Variants in IFT140 observed in about 807,000 individuals in gnomAD.
The protein encoded by IFT140 is intraflagellar transport 140, also known as intraflagellar transport protein 140 homolog.
IFT140 carries 133 observed loss-of-function variants against 164.6 expected under a neutral mutation model. That is an observed-to-expected ratio of 0.81 (90% confidence interval 0.70 to 0.93). The LOEUF (loss-of-function observed/expected upper bound fraction) is 0.93, where lower values mean the gene tolerates loss of function less well. Ranked by LOEUF, IFT140 falls within the 40% of genes least tolerant of loss-of-function variation. The pLI is 0.00. For missense variants in IFT140, 2,045 were observed against 1,972.3 expected, an observed-to-expected ratio of 1.04 and a Z score of -0.70; for synonymous variants, 860 against 817.3, an observed-to-expected ratio of 1.05 and a Z score of -0.89.
intron 19 of IFT140, 180 bp from the exon 20 acceptor site, chr16:1,526,976 G>A (rs949460869): frequency 3.6e-5 from 22 of 619,510 alleles, no homozygotes; most frequent in Admixed American, 3.1e-5. Context: ...AGAGGTGCCC[G>A]TCACGAGTCC....
chr16:1,604,693 TG>T (rs1458112760), intron 3 of IFT140, among the ~76,000 whole-genome samples: 1 of 151,888 alleles, frequency 6.6e-6, no homozygotes, highest in African/African-American at 2.4e-5. Context: ...GAAGCTGTAC[TG>T]GTGTCCAGGA....
intron 7 of IFT140, among the ~76,000 whole-genome samples, 158 bp downstream of exon 7, chr16:1,589,447 T>C (rs1207241250): frequency 1.3e-5 from 2 of 152,160 alleles, no homozygotes; most frequent in Admixed American, 6.5e-5. Context: ...GAATGTGGTA[T>C]GATAAATAAT....
At chr16:1,600,880 T>G (rs2035760583) in intron 4 of IFT140, among the ~76,000 whole-genome samples, 1 of 150,652 alleles carries the variant, frequency 6.6e-6, no homozygotes, top group African/African-American at 2.4e-5. Flanking sequence ...AAAATGTAAA[T>G]TTCATGAAAG....
Position 1,592,323 on chromosome 16 carries a change from A to G in IFT140, c.492-5T>C. 6.2e-7 allele frequency: 1 copy of G among 1,614,098 alleles called. No individual in the cohort carries two copies. Among genetic ancestry groups the G allele is most frequent in the Non-Finnish European group, 8.5e-7 (1 of 1,179,996 alleles). ...TTTGCCAACTGAACCAGGTCCCTGA[A>G]AGCAAACACGACACGAAGCAAGATT... On this transcript the variant is annotated splice_region_variant and splice_polypyrimidine_tract_variant and intron_variant, in intron 5 of 30. Transcript: ENST00000426508.
intron 3 of IFT140, among the ~76,000 whole-genome samples, chr16:1,606,290 A>G (rs1362235166): frequency 1.3e-5 from 2 of 152,240 alleles, no homozygotes; most frequent in Non-Finnish European, 2.9e-5. Context: ...CTGTGGGGAC[A>G]TTTCTGGTGA....
chr16:1,540,854 G>C, intron 19 of IFT140: 1 of 985,462 alleles, frequency 1.0e-6, no homozygotes, highest in Non-Finnish European at 1.2e-6. Context: ...GGCGATGACA[G>C]GCTAGGGACT....
chr16:1,602,550 C>T lies in IFT140; in HGVS notation c.189G>A (p.Arg63=), dbSNP rs759832443. The T allele has an allele frequency of 2.6e-5, 42 of 1,613,754 alleles. No homozygotes were observed. The highest frequency in any genetic ancestry group is 3.1e-5 in the Non-Finnish European group (37 of 1,180,044). ...TCGGGTGCCAGCACAGGGAAGCAAC[C>T]CGGAACGGCCTCTCGACGTGTGTAT... ...VPDTHVERPF[R]VASLCWHPTR... The change falls in exon 4 of 31, where the codon CGG becomes CGA. Residue 63 remains arginine (R), a synonymous_variant. Coordinates refer to ENST00000426508, the MANE Select transcript of IFT140 (RefSeq NM_014714.4).
chr16:1,520,850 G>T, intron 26 of IFT140, 42 bp from the exon 27 acceptor site: 1 of 1,558,586 alleles, frequency 6.4e-7, no homozygotes, highest in South Asian at 1.1e-5. Context: ...CGAGGGGGCC[G>T]GGAACTGAAG....
chr16:1,518,204 C>G lies in IFT140; in HGVS notation c.4182+12G>C. On this transcript the variant is annotated intron_variant, in intron 30 of 30. Coordinates refer to ENST00000426508, the MANE Select transcript of IFT140 (RefSeq NM_014714.4). ...GGCGGGATGCTGCTAGTGAGCAGCA[C>G]TCAGGCCTCACCGTCTGGTATTCCT... The G allele has an allele frequency of 6.2e-7, 1 of 1,604,240 alleles. No homozygotes were observed. Among genetic ancestry groups the G allele is most frequent in the Middle Eastern group, 1.9e-4 (1 of 5,342 alleles).
At position 1,591,283 on chromosome 16, in the gene IFT140, C is replaced by G. The variant is rs576325557; in HGVS notation, c.634+893G>C. 4.6e-5 allele frequency among the ~76,000 whole-genome samples: 7 copies of G among 152,276 alleles called. 2 individuals are homozygous for G. In the South Asian group the frequency reaches 1.2e-3, roughly 27 times the overall value. On this transcript the variant is annotated intron_variant, in intron 6 of 30. Coordinates refer to ENST00000426508, the MANE Select transcript of IFT140 (RefSeq NM_014714.4). ...TCCTGGGGGGCCCCATCCTGGCACGCCCCCTCCTTGCCATCTCACAGTGCT... is the reference window on the plus strand; with the variant it reads ...TCCTGGGGGGCCCCATCCTGGCACGGCCCCTCCTTGCCATCTCACAGTGCT...
chr16:1,544,706 T>C (rs1357244707), intron 19 of IFT140, among the ~76,000 whole-genome samples: 1 of 151,846 alleles, frequency 6.6e-6, no homozygotes, highest in Non-Finnish European at 1.5e-5. Flanking sequence ...TGGAGTGCAG[T>C]GGCGCGATCT....
chr16:1,524,515 C>T (rs369371677), intron 24 of IFT140, 37 bp downstream of exon 24: 19 of 1,606,626 alleles, frequency 1.2e-5, no homozygotes, highest in Middle Eastern at 2.0e-4. Context: ...CAGGGGACCT[C>T]GAGAAGCGCC....
intron 19 of IFT140, among the ~76,000 whole-genome samples, chr16:1,536,950 C>T (rs2031132853): frequency 1.3e-5 from 2 of 152,262 alleles, no homozygotes; most frequent in South Asian, 4.1e-4. Flanking sequence ...CTGCAAAATC[C>T]TGCCGTGTGA....
chr16:1,518,064 C>G, intron 30 of IFT140, 152 bp downstream of exon 30: 1 of 702,492 alleles, frequency 1.4e-6, no homozygotes, highest in Non-Finnish European at 2.3e-6. Context: ...TCTTGAACTC[C>G]TGGGCTCAAG....
In IFT140 at chr16:1,523,942, G is replaced by A. The variant is rs528573485; in HGVS notation, c.3156C>T (p.Asp1052=). The change falls in exon 25 of 31, where the codon GAC becomes GAT. Residue 1052 remains aspartate (D), a synonymous_variant. Transcript: ENST00000426508. ...GCAGGGCCAAGTTCATGAGCTGGTC[G>A]TCCAGGCCGTTCTCCTGCAGGGAGG... is the stretch of plus-strand genomic sequence containing the variant. ...AIRLCKENGL[D]DQLMNLALLS... is the part of the protein sequence containing the mutation. The A allele has an allele frequency of 6.2e-5, 100 of 1,612,332 alleles. 1 individual carries two copies. In the East Asian group the frequency reaches 2.0e-3, roughly 32 times the overall value.
rs770593310 is a variant in IFT140 at position 1,534,471 on chromosome 16, G to A, written c.2400-7675C>T. The stretch of plus-strand genomic sequence containing the variant: ...AGGGCCGAGCCCTGGGGCCAGAGCC[G>A]GCCAGGTGGACGCACATGACTGTGA... On this transcript the variant is annotated intron_variant, in intron 19 of 30. Transcript: ENST00000426508. 11 of 1,610,818 alleles carry A rather than the reference G, an allele frequency of 6.8e-6. No individual in the cohort carries two copies. The highest frequency in any genetic ancestry group is 3.3e-5 in the South Asian group (3 of 91,074).
intron 30 of IFT140, chr16:1,513,316 C>G (rs574474410): frequency 6.6e-6 from 1 of 152,044 alleles, no homozygotes; most frequent in Non-Finnish European, 1.5e-5. Context: ...GGTGAAACCC[C>G]GTCTCTACTA....
intron 19 of IFT140, among the ~76,000 whole-genome samples, chr16:1,552,593 G>A (rs8049566): frequency 0.054 from 8,144 of 151,314 alleles, 444 homozygotes; most frequent in Admixed American, 0.17. Flanking sequence ...GGCACATTCC[G>A]CACTGGTAGA....
intron 19 of IFT140, among the ~76,000 whole-genome samples, chr16:1,546,434 G>A (rs956202215): frequency 2.6e-5 from 4 of 152,190 alleles, no homozygotes; most frequent in African/African-American, 4.8e-5. Flanking sequence ...GTGCCTGGAC[G>A]AGCCCCCCTT....
Sources: gnomAD v4.1 joint callset for allele counts (sites outside exome capture counted in the v4.1 genomes callset) on GRCh38, gnomAD v4.1.1 for gene constraint, MANE v1.5 for transcripts, NCBI Gene and HGNC (gene_info 2026-07-23, HGNC 2026-07-21) for gene names.